SYNE1: variants seen among roughly 807,000 people sequenced by gnomAD.
SYNE1 encodes spectrin repeat containing nuclear envelope protein 1, also known as nesprin-1.
In SYNE1, 616 loss-of-function variants were observed where a neutral mutation model predicts 1,111.0. The observed-to-expected ratio is 0.55, with a 90% CI of 0.52 to 0.59. The LOEUF is 0.59. Among genes scored for constraint, SYNE1 ranks in the 20% least tolerant of loss-of-function variants. SYNE1 has a pLI of 0.00. For synonymous variants in SYNE1, 3,855 were observed against 3,825.8 expected, an observed-to-expected ratio of 1.01 and a Z score of -0.28; for missense variants, 10,006 against 10,417.0, an observed-to-expected ratio of 0.96 and a Z score of 1.72.
At chr6:152,275,065 C>A (rs981998044) in intron 98 of SYNE1, among the ~76,000 whole-genome samples, 1 of 152,084 alleles carries the variant, frequency 6.6e-6, no homozygotes, top group Non-Finnish European at 1.5e-5. Context: ...TGCCACCACG[C>A]CCGGCTAATG....
intron 145 of SYNE1, chr6:152,128,666 A>G (rs1412397265): frequency 2.0e-5 from 3 of 152,256 alleles, no homozygotes. Flanking sequence ...ATGCGTATCT[A>G]AAAATTTCCC....
intron 57 of SYNE1, 107 bp from the exon 58 acceptor site, chr6:152,376,665 G>A (rs1563508227): frequency 1.3e-6 from 2 of 1,553,310 alleles, no homozygotes; most frequent in Admixed American, 3.4e-5. Flanking sequence ...ACCTCACTTA[G>A]TAATATATTT....
intron 45 of SYNE1, among the ~76,000 whole-genome samples, chr6:152,406,275 CATA>C (rs923568052): frequency 6.6e-6 from 1 of 152,012 alleles, no homozygotes; most frequent in Non-Finnish European, 1.5e-5. Context: ...CACTACCTGG[CATA>C]ATAAGAGCAC....
intron 4 of SYNE1, among the ~76,000 whole-genome samples, chr6:152,528,579 CT>C (rs1214138396): frequency 6.6e-6 from 1 of 152,158 alleles, no homozygotes; most frequent in African/African-American, 2.4e-5. Context: ...AATATGGTGA[CT>C]TTGATAAGAC....
chr6:152,370,308 A>C (rs2097158674), intron 59 of SYNE1, among the ~76,000 whole-genome samples: 1 of 152,074 alleles, frequency 6.6e-6, no homozygotes. Context: ...CCATGAGGGG[A>C]GGGCCTGGGT....
intron 40 of SYNE1, 52 bp from the exon 41 acceptor site, chr6:152,417,067 C>T (rs1003521141): frequency 2.5e-6 from 4 of 1,608,138 alleles, no homozygotes; most frequent in Admixed American, 3.3e-5. Context: ...CAGTCTATGG[C>T]AGAGGTATTT....
intron 109 of SYNE1, 97 bp from the exon 110 acceptor site, chr6:152,236,400 G>A: frequency 1.1e-6 from 1 of 898,574 alleles, no homozygotes; most frequent in Non-Finnish European, 1.8e-6. Context: ...CCCATTACCT[G>A]TTATTCAAAC....
At chr6:152,282,946 C>A (rs1181322305) in intron 96 of SYNE1, among the ~76,000 whole-genome samples, 1 of 152,066 alleles carries the variant, frequency 6.6e-6, no homozygotes, top group Admixed American at 6.6e-5. Context: ...GTGTAATTAG[C>A]AGCTAAATAA....
In SYNE1 at chr6:152,329,751, C is replaced by G. The variant is rs2096200111; in HGVS notation, c.14934G>C (p.Gln4978His). 4 of 1,614,164 alleles carry G rather than the reference C, an allele frequency of 2.5e-6. No homozygotes were observed. The highest frequency in any genetic ancestry group is 3.4e-6 in the Non-Finnish European group (4 of 1,180,032). Residue 4978 changes from glutamine (Q) to histidine (H), a missense_variant, in exon 78 of 146, where the codon CAG becomes CAC. Coordinates refer to ENST00000367255, the MANE Select transcript of SYNE1 (RefSeq NM_182961.4). Reference protein sequence around the residue: ...AELSELDGDIQEALRTRQATL... With the variant: ...AELSELDGDIHEALRTRQATL... ...CCACCTGTCTGGTGCGTAAGGCTTC[C>G]TGGATGTCTCCATCCAGCTCTGAGA...
intron 128 of SYNE1, among the ~76,000 whole-genome samples, chr6:152,181,944 C>T (rs924828483): frequency 1.7e-4 from 26 of 152,168 alleles, no homozygotes; most frequent in African/African-American, 5.8e-4. Context: ...TGATTACAGC[C>T]ATCCTAATGG....
chr6:152,486,222 C>CA (rs1012822869), intron 12 of SYNE1, among the ~76,000 whole-genome samples: 30 of 151,224 alleles, frequency 2.0e-4, no homozygotes, highest in African/African-American at 7.0e-4. Context: ...AAAAAAACAA[C>CA]AAAAAAATAA....
At chr6:152,323,836 T>G in intron 81 of SYNE1, 99 bp from the exon 82 acceptor site, 1 of 1,357,214 alleles carries the variant, frequency 7.4e-7, no homozygotes, top group Non-Finnish European at 1.0e-6. Flanking sequence ...TGAAGCCAAT[T>G]AAAGATGATG....
chr6:152,433,603 C>A, intron 34 of SYNE1, 192 bp downstream of exon 34: 2 of 611,940 alleles, frequency 3.3e-6, no homozygotes, highest in South Asian at 4.3e-5. Flanking sequence ...AATGTGAATA[C>A]ATAATTCCAA....
At chr6:152,323,371 G>A (rs2095940468) in intron 82 of SYNE1, 107 bp downstream of exon 82, 4 of 1,516,666 alleles carry the variant, frequency 2.6e-6, no homozygotes, top group South Asian at 1.2e-5. Context: ...CCCGGGAGGC[G>A]GAGCTTGCAG....
Position 152,455,303 on chromosome 6 carries a change from C to T in SYNE1, c.2892+123G>A. ...TTTGGGTCTCATACCTAAAAAGTCTCTGCTTCCCTGACTCATCTGCCCGCT... is the reference window on the plus strand; with the variant it reads ...TTTGGGTCTCATACCTAAAAAGTCTTTGCTTCCCTGACTCATCTGCCCGCT... On this transcript the variant is annotated intron_variant, in intron 24 of 145. Transcript: ENST00000367255. The T allele has an allele frequency of 2.8e-6, 3 of 1,073,922 alleles. 1 individual carries two copies. The highest frequency in any genetic ancestry group is 4.0e-6 in the Non-Finnish European group (3 of 758,946). The allele number at this position is 1,073,922 out of a possible 1,614,324, so 66.5% of individuals were successfully genotyped here. A position where few individuals can be genotyped will look rare whatever the true frequency, so the allele number is the denominator to read the frequency against.
chr6:152,201,634 C>G (rs922905707), intron 127 of SYNE1, among the ~76,000 whole-genome samples, 190 bp downstream of exon 127: 3 of 152,136 alleles, frequency 2.0e-5, no homozygotes, highest in African/African-American at 7.2e-5. Flanking sequence ...AATCCATAAA[C>G]TAGTCTATAA....
At chr6:152,370,978 G>A (rs1397637966) in intron 59 of SYNE1, among the ~76,000 whole-genome samples, 1 of 152,122 alleles carries the variant, frequency 6.6e-6, no homozygotes, top group Non-Finnish European at 1.5e-5. Context: ...CCAAAATTTA[G>A]GTTGCATGAA....
Position 152,428,303 on chromosome 6 carries a change from A to G in SYNE1, c.4878T>C (p.Val1626=), listed in dbSNP as rs558371672. The part of the protein sequence containing the change: ...ARKVVNRDSC[V]QEAAALQQQY... ...GCTGCTGTAGAGCCGCAGCCTCCTG[A>G]ACACAGGAATCTCTGTTCACAACCT... Residue 1626 remains valine (V), a synonymous_variant, in exon 37 of 146, where the codon GTT becomes GTC. Coordinates refer to ENST00000367255, the MANE Select transcript of SYNE1 (RefSeq NM_182961.4). The G allele has an allele frequency of 1.9e-6, 3 of 1,614,008 alleles. No individual in the cohort carries two copies. Among genetic ancestry groups the G allele is most frequent in the Non-Finnish European group, 2.5e-6 (3 of 1,180,026 alleles).
At chr6:152,344,252 A>G in intron 73 of SYNE1, 25 bp from the exon 74 acceptor site, 1 of 1,614,100 alleles carries the variant, frequency 6.2e-7, no homozygotes, top group Non-Finnish European at 8.5e-7. Context: ...TCATGCTGAG[A>G]TTATGAGAAC....
Sources: allele counts gnomAD v4.1 joint callset (sites outside exome capture counted in the v4.1 genomes callset), GRCh38; gene constraint gnomAD v4.1.1; transcripts MANE v1.5; gene names NCBI Gene and HGNC (gene_info 2026-07-23, HGNC 2026-07-21).